TBC1D31: variants seen among roughly 807,000 people sequenced by gnomAD.
TBC1D31 encodes TBC1 domain family member 31, also known as WD repeat domain 67.
In TBC1D31, 99 loss-of-function variants were observed where a neutral mutation model predicts 132.9. The ratio of observed to expected loss-of-function variants is 0.74; its 90% CI spans 0.63 to 0.88. The LOEUF (loss-of-function observed/expected upper bound fraction) is 0.88. TBC1D31 is among the 40% of genes least tolerant of loss of function. The pLI, the probability that TBC1D31 is intolerant of heterozygous loss-of-function variation, is 0.00. For synonymous variants in TBC1D31, 385 were observed against 419.4 expected, an observed-to-expected ratio of 0.92 and a Z score of 1.00; for missense variants, 1,134 against 1,256.6, an observed-to-expected ratio of 0.90 and a Z score of 1.48.
chr8:123,131,237 G>A (rs183292399), intron 16 of TBC1D31, among the ~76,000 whole-genome samples: 22 of 151,588 alleles, frequency 1.5e-4, no homozygotes, highest in Middle Eastern at 3.4e-3. Context: ...GGTGGCAGGC[G>A]CTTGTAATCC....
the TBC1D31 span, among the ~76,000 whole-genome samples, chr8:123,161,066 C>A: frequency 1.3e-5 from 2 of 152,144 alleles, no homozygotes; most frequent in Non-Finnish European, 2.9e-5. Context: ...GAGGCTCCTG[C>A]AGGCCGTGAC....
intron 6 of TBC1D31, among the ~76,000 whole-genome samples, chr8:123,100,600 A>G (rs1014350987): frequency 6.6e-6 from 1 of 151,400 alleles, no homozygotes; most frequent in Non-Finnish European, 1.5e-5. Flanking sequence ...TAATAATAAT[A>G]ATAAAATAAA....
intron 19 of TBC1D31, among the ~76,000 whole-genome samples, chr8:123,144,409 GTC>G (rs1821982790): frequency 6.6e-6 from 1 of 152,164 alleles, no homozygotes; most frequent in Admixed American, 6.5e-5. Context: ...AACTAGCTTA[GTC>G]TCATAAGATT....
At chr8:123,080,944 A>G (rs1382868166) in intron 2 of TBC1D31, among the ~76,000 whole-genome samples, 1 of 152,162 alleles carries the variant, frequency 6.6e-6, no homozygotes, top group Admixed American at 6.6e-5. Flanking sequence ...CACTAAAAAC[A>G]TTTGTGGCTG....
At chr8:123,160,695 G>T in the TBC1D31 span, among the ~76,000 whole-genome samples, 1 of 152,166 alleles carries the variant, frequency 6.6e-6, no homozygotes, top group South Asian at 2.1e-4. Flanking sequence ...GCCACTAGCC[G>T]GTACAGGGTA....
intron 11 of TBC1D31, among the ~76,000 whole-genome samples, chr8:123,125,779 C>T (rs1819970790): frequency 6.6e-6 from 1 of 152,066 alleles, no homozygotes; most frequent in African/African-American, 2.4e-5. Context: ...GAGTCAGGAG[C>T]CAGAATGCCA....
chr8:123,092,338 T>G (rs1249535641), intron 4 of TBC1D31, among the ~76,000 whole-genome samples: 2 of 152,096 alleles, frequency 1.3e-5, no homozygotes, highest in African/African-American at 2.4e-5. Context: ...AAAAGCAAAC[T>G]GACTAATTTG....
chr8:123,106,979 G>C (rs1586634151), intron 8 of TBC1D31, among the ~76,000 whole-genome samples: 1 of 152,188 alleles, frequency 6.6e-6, no homozygotes, highest in East Asian at 1.9e-4. Context: ...GTGGCAATAT[G>C]TGTGAAATAT....
chr8:123,142,502 T>C, intron 19 of TBC1D31, 46 bp downstream of exon 19: 2 of 1,365,930 alleles, frequency 1.5e-6, no homozygotes, highest in South Asian at 3.6e-5. Context: ...CATTGATTTT[T>C]TTTTTTTTTT....
chr8:123,158,860 G>A, the TBC1D31 span, among the ~76,000 whole-genome samples: 65 of 152,232 alleles, frequency 4.3e-4, no homozygotes, highest in African/African-American at 1.6e-3. Flanking sequence ...AGGAGTTGGA[G>A]GTGGGGCAGG....
chr8:123,077,283 G>A (rs370864005), intron 2 of TBC1D31, 26 bp downstream of exon 2: 58 of 1,566,256 alleles, frequency 3.7e-5, no homozygotes, highest in Middle Eastern at 1.7e-4. Context: ...TGATATCTAC[G>A]TTCTTTAACA....
intron 11 of TBC1D31, 151 bp downstream of exon 11, chr8:123,120,339 G>A (rs1444156340): frequency 6.1e-6 from 4 of 660,418 alleles, no homozygotes; most frequent in Non-Finnish European, 9.7e-6. Flanking sequence ...ACATAAAATA[G>A]ACAATTGAAG....
At chr8:123,104,942 G>A (rs1323952987) in intron 7 of TBC1D31, among the ~76,000 whole-genome samples, 1 of 152,088 alleles carries the variant, frequency 6.6e-6, no homozygotes, top group Non-Finnish European at 1.5e-5. Context: ...ACCTCTAACT[G>A]TACCTTTTTT....
rs1015306614 is a variant in TBC1D31 at position 123,117,370 on chromosome 8, C to T, written c.1437-2685C>T. ...ATTTGCATAGTCTTAAAATATCTCCCCCAAGACAGTTATTAATGGCAAATG... is the reference window on the plus strand; with the variant it reads ...ATTTGCATAGTCTTAAAATATCTCCTCCAAGACAGTTATTAATGGCAAATG... On this transcript the variant is annotated intron_variant, in intron 10 of 21. Coordinates refer to ENST00000287380, the MANE Select transcript of TBC1D31 (RefSeq NM_145647.4). Among the ~76,000 whole-genome samples the T allele has an allele frequency of 7.2e-5, 11 of 151,982 alleles. 1 individual carries two copies. The highest frequency in any genetic ancestry group is 7.2e-4 in the Admixed American group (11 of 15,240).
intron 15 of TBC1D31, 132 bp downstream of exon 15, chr8:123,129,350 A>G (rs1820401320): frequency 1.8e-6 from 1 of 550,994 alleles, no homozygotes; most frequent in African/African-American, 1.9e-5. Flanking sequence ...CTATAAAGCA[A>G]CTATTAAGTT....
At chr8:123,111,265 C>T (rs1818406672) in intron 10 of TBC1D31, among the ~76,000 whole-genome samples, 1 of 152,160 alleles carries the variant, frequency 6.6e-6, no homozygotes, top group East Asian at 1.9e-4. Context: ...ATTAGCAAAA[C>T]AGTGATAATA....
rs1820368687 is a variant in TBC1D31, at chr8:123,129,046, A to T, written c.2118-20A>T. 6.6e-7 allele frequency: 1 copy of T among 1,505,034 alleles called. No individual in the cohort carries two copies. The highest frequency in any genetic ancestry group is 2.3e-5 in the East Asian group (1 of 42,792). The allele number at this position is 1,505,034 out of a possible 1,614,324, so 93.2% of individuals were successfully genotyped here. ...TTAGCTTTCTTCTTTGTGTTTTCAT[A>T]ATAATATTACCTACTTAAGGCAGAC... On this transcript the variant is annotated intron_variant, in intron 14 of 21. Transcript: ENST00000287380.
intron 8 of TBC1D31, among the ~76,000 whole-genome samples, chr8:123,105,895 A>G (rs1817877267): frequency 1.3e-5 from 2 of 152,178 alleles, no homozygotes. Flanking sequence ...CTGGAACATT[A>G]CCATCAGCTT....
rs369527290 is a variant in TBC1D31 at position 123,128,548 on chromosome 8, A to G, written c.2117+35A>G. 15 of 1,423,708 alleles carry G rather than the reference A, an allele frequency of 1.1e-5. No individual in the cohort carries two copies. In the African/African-American group the frequency reaches 1.4e-4, roughly 13 times the overall value. The allele number at this position is 1,423,708 out of a possible 1,614,324, so 88.2% of individuals were successfully genotyped here. On this transcript the variant is annotated intron_variant, in intron 14 of 21. Transcript: ENST00000287380. ...GAATAGTTTTTCTTTTTCTGATACA[A>G]TGAAATATGTTATAAACATAAGAAA...
Sources: allele counts gnomAD v4.1 joint callset (sites outside exome capture counted in the v4.1 genomes callset), GRCh38; gene constraint gnomAD v4.1.1; transcripts MANE v1.5; gene names NCBI Gene and HGNC (gene_info 2026-07-23, HGNC 2026-07-21).